The following ATXN3 variants were observed in gnomAD, a reference collection of about 807,000 sequenced individuals.
ATXN3 encodes the protein ataxin-3.
A neutral mutation model predicts 58.2 loss-of-function variants in ATXN3; 28 were observed. The observed-to-expected ratio is 0.48, with a 90% CI of 0.36 to 0.66. The LOEUF is 0.66. ATXN3 is among the 30% of genes least tolerant of loss of function. The pLI, the probability that ATXN3 is intolerant of heterozygous loss-of-function variation, is 0.00. For synonymous variants in ATXN3, 113 were observed against 138.5 expected (o/e 0.82, Z 1.29); for missense variants, 321 against 422.1 (o/e 0.76, Z 2.10).
intron 9 of ATXN3, among the ~76,000 whole-genome samples, chr14:92,073,307 C>T (rs1332245777): frequency 1.3e-5 from 2 of 152,274 alleles, no homozygotes; most frequent in African/African-American, 2.4e-5. Context: ...TCCACTCCCA[C>T]TGTGCCATCA....
rs940645317 is a variant in ATXN3 at position 92,061,706 on chromosome 14, G to C, written c.*2614C>G. The C allele has an allele frequency of 6.6e-6, 1 of 152,176 alleles. No homozygotes were observed. Among genetic ancestry groups the C allele is most frequent in the Non-Finnish European group, 1.5e-5 (1 of 68,038 alleles). The allele number at this position is 152,176 out of a possible 1,614,324, so 9.4% of individuals were successfully genotyped here. ...TCTTGCAGGTGGTTTACAGTAAATG[G>C]CAGTACCTGATGTATAAACTATAGC... is the stretch of plus-strand genomic sequence containing the variant. On this transcript the variant is annotated 3_prime_UTR_variant, in exon 11 of 11. Transcript: ENST00000644486.
Position 92,071,031 on chromosome 14 carries a change from G to T in ATXN3, c.895C>A (p.Gln299Lys). Reference protein sequence around the residue: ...FEKQQQKQQQQQQQQQQGDLS... With the variant: ...FEKQQQKQQQKQQQQQQGDLS... ...TCCCCCTGCTGCTGCTGCTGCTGCT[G>T]CTGTTGCTGCTTTTGCTGCTGTCTG... is the stretch of plus-strand genomic sequence containing the variant. Residue 299 changes from glutamine (Q) to lysine (K), a missense_variant, in exon 10 of 11, where the codon CAG (glutamine) becomes AAG (lysine). Gln to Lys is a moderately conservative substitution (Grantham distance 53, BLOSUM62 1). Transcript: ENST00000644486. The T allele has an allele frequency of 1.2e-6, 2 of 1,610,362 alleles. No homozygotes were observed. The highest frequency in any genetic ancestry group is 1.7e-6 in the Non-Finnish European group (2 of 1,178,958).
At chr14:92,093,556 T>G in intron 4 of ATXN3, 190 bp downstream of exon 4, 2 of 638,290 alleles carry the variant, frequency 3.1e-6, no homozygotes, top group South Asian at 4.1e-5. Context: ...CCACAGACAC[T>G]GGGGTGCCAG....
intron 1 of ATXN3, among the ~76,000 whole-genome samples, chr14:92,105,257 C>A (rs2067996076): frequency 6.6e-6 from 1 of 152,006 alleles, no homozygotes; most frequent in African/African-American, 2.4e-5. Context: ...CCCCGTCTCT[C>A]CCAAAAACAT....
chr14:92,082,683 C>G (rs56005080), intron 7 of ATXN3, among the ~76,000 whole-genome samples: 2,751 of 139,278 alleles, frequency 0.02, 52 homozygotes, highest in South Asian at 0.08. Context: ...GGGTCTGACT[C>G]TCTCGACCAG....
intron 1 of ATXN3, among the ~76,000 whole-genome samples, chr14:92,105,885 T>A (rs1022913245): frequency 2.0e-5 from 3 of 152,072 alleles, no homozygotes; most frequent in African/African-American, 7.2e-5. Flanking sequence ...AACCCAAACA[T>A]CCCGTAATAA....
At chr14:92,081,242 C>T (rs1490167123) in intron 8 of ATXN3, among the ~76,000 whole-genome samples, 181 bp from the exon 9 acceptor site, 4 of 152,004 alleles carry the variant, frequency 2.6e-5, no homozygotes, top group African/African-American at 7.2e-5. Context: ...GAGGCCAAGG[C>T]AGGTGGATCA....
rs1444534547 is a variant in ATXN3, at chr14:92,059,427, T to C, written c.*4893A>G. ...AATATGAAAAATAAAGTTATTTACATTGCTGACATGATTAGTTGATCCAAT... is the reference window on the plus strand; with the variant it reads ...AATATGAAAAATAAAGTTATTTACACTGCTGACATGATTAGTTGATCCAAT... On this transcript the variant is annotated 3_prime_UTR_variant, in exon 11 of 11. Coordinates refer to ENST00000644486, the MANE Select transcript of ATXN3 (RefSeq NM_004993.6). 6.6e-6 allele frequency: 1 copy of C among 152,202 alleles called. No homozygotes were observed. The highest frequency in any genetic ancestry group is 2.4e-5 in the African/African-American group (1 of 41,444). The allele number at this position is 152,202 out of a possible 1,614,324, so 9.4% of individuals were successfully genotyped here. A position where few individuals can be genotyped will look rare whatever the true frequency, so the allele number is the denominator to read the frequency against.
chr14:92,053,561 A>G (rs2057455641), downstream of ATXN3, among the ~76,000 whole-genome samples: 1 of 144,994 alleles, frequency 6.9e-6, no homozygotes. Context: ...CAGTGGTGCG[A>G]TCATAGCTCA....
intron 1 of ATXN3, among the ~76,000 whole-genome samples, chr14:92,100,320 T>A (rs1377814912): frequency 6.6e-6 from 1 of 152,090 alleles, no homozygotes; most frequent in Non-Finnish European, 1.5e-5. Context: ...AAGACATGTA[T>A]AAGAATGTTC....
upstream of ATXN3, among the ~76,000 whole-genome samples, chr14:92,053,532 T>C (rs1463088508): frequency 6.6e-6 from 1 of 151,372 alleles, no homozygotes; most frequent in African/African-American, 2.4e-5. Context: ...GGTCTCACTC[T>C]GTTGCCCAGG....
chr14:92,082,177 T>C (rs1362749961), intron 8 of ATXN3, 123 bp downstream of exon 8: 6 of 1,073,770 alleles, frequency 5.6e-6, no homozygotes, highest in Middle Eastern at 2.9e-4. Flanking sequence ...GCCCACTATA[T>C]AGCTATTGCT....
chr14:92,105,408 C>A (rs2068047296), intron 1 of ATXN3, among the ~76,000 whole-genome samples: 1 of 151,946 alleles, frequency 6.6e-6, no homozygotes, highest in Non-Finnish European at 1.5e-5. Context: ...AGAATGAGAC[C>A]CCATCTTTAA....
chr14:92,064,038 C>G lies in ATXN3; in HGVS notation c.*282G>C, dbSNP rs2057970262. 1 of 194,598 alleles carries G rather than the reference C, an allele frequency of 5.1e-6. No individual in the cohort carries two copies. The highest frequency in any genetic ancestry group is 1.5e-4 in the South Asian group (1 of 6,762). The allele number at this position is 194,598 out of a possible 1,614,324, so 12.1% of individuals were successfully genotyped here. On this transcript the variant is annotated 3_prime_UTR_variant, in exon 11 of 11. Transcript: ENST00000644486. ...AAAAGATCCAAGAAAAATGCCCTAA[C>G]TTTAGACATGTTACATATTGCACAC...
rs1441925073 is a variant in ATXN3, at chr14:92,063,716, A to G, written c.*604T>C. On this transcript the variant is annotated 3_prime_UTR_variant, in exon 11 of 11. Transcript: ENST00000644486. ...ACCTCAGAAAAGATTACCATCTTTC[A>G]AAAGAATTGTGGGAAAATAATGAAA... The G allele has an allele frequency of 6.6e-6, 1 of 152,238 alleles. No individual in the cohort carries two copies. The highest frequency in any genetic ancestry group is 1.5e-5 in the Non-Finnish European group (1 of 68,036). The allele number at this position is 152,238 out of a possible 1,614,324, so 9.4% of individuals were successfully genotyped here.
intron 2 of ATXN3, among the ~76,000 whole-genome samples, chr14:92,046,763 A>C (rs1474756564): frequency 2.0e-5 from 3 of 152,186 alleles, no homozygotes; most frequent in Non-Finnish European, 4.4e-5. Context: ...CAGGAAGGAA[A>C]GGAGTTGTTG....
intron 1 of ATXN3, among the ~76,000 whole-genome samples, chr14:92,100,273 A>C (rs760842332): frequency 6.6e-6 from 1 of 152,226 alleles, no homozygotes; most frequent in Non-Finnish European, 1.5e-5. Flanking sequence ...CTAGGTACAT[A>C]ATGTAAACAA....
chr14:92,083,434 G>T, intron 6 of ATXN3, 176 bp from the exon 7 acceptor site: 1 of 733,212 alleles, frequency 1.4e-6, no homozygotes, highest in Non-Finnish European at 2.3e-6. Context: ...GTCGTCTAAG[G>T]TAAGTTACTT....
At chr14:92,071,161 T>C in intron 9 of ATXN3, 108 bp from the exon 10 acceptor site, 1 of 1,448,920 alleles carries the variant, frequency 6.9e-7, no homozygotes, top group South Asian at 1.2e-5. Flanking sequence ...CGAATCAAAG[T>C]AGTCACTGGT....
Sources: gnomAD v4.1 joint callset for allele counts (sites outside exome capture counted in the v4.1 genomes callset) on GRCh38, gnomAD v4.1.1 for gene constraint, MANE v1.5 for transcripts, NCBI Gene and HGNC (gene_info 2026-07-23, HGNC 2026-07-21) for gene names.